Variants in ZNF69 observed in about 807,000 individuals in gnomAD.
ZNF69 encodes the protein ZNF3.
Under a neutral mutation model 50.9 loss-of-function variants are expected in ZNF69, and 47 were observed. That is an observed-to-expected ratio of 0.92 (90% CI 0.73 to 1.18). The LOEUF (loss-of-function observed/expected upper bound fraction) is 1.18, where lower values mean the gene tolerates loss of function less well. Ranked by LOEUF, ZNF69 falls within the 50% of genes most tolerant of loss-of-function variation. The pLI is 0.00. For missense variants in ZNF69, 717 were observed against 675.1 expected, an observed-to-expected ratio of 1.06 and a Z score of -0.69; for synonymous variants, 216 against 223.1, an observed-to-expected ratio of 0.97 and a Z score of 0.29.
chr19:11,907,013 G>A (rs1282912375), downstream of ZNF69, among the ~76,000 whole-genome samples: 2 of 152,160 alleles, frequency 1.3e-5, no homozygotes, highest in African/African-American at 2.4e-5. Flanking sequence ...ACCATGGCAC[G>A]AGAACTATGT....
chr19:11,890,752 G>T (rs749857626), intron 1 of ZNF69, among the ~76,000 whole-genome samples: 15 of 152,248 alleles, frequency 9.9e-5, no homozygotes, highest in African/African-American at 3.6e-4. Flanking sequence ...GAGCCACCTC[G>T]CCAGGCCAGA....
intron 1 of ZNF69, among the ~76,000 whole-genome samples, chr19:11,900,245 A>G (rs1006276001): frequency 6.6e-6 from 1 of 151,960 alleles, no homozygotes; most frequent in Non-Finnish European, 1.5e-5. Flanking sequence ...GAGCCACTGC[A>G]CCCGGCCTGT....
chr19:11,922,495 A>G, the ZNF69 span, among the ~76,000 whole-genome samples: 1 of 152,200 alleles, frequency 6.6e-6, no homozygotes, highest in Non-Finnish European at 1.5e-5. Context: ...GGATTCTAGG[A>G]CACTAGGTAT....
chr19:11,899,396 T>G (rs1183566266), intron 1 of ZNF69, among the ~76,000 whole-genome samples: 1 of 152,174 alleles, frequency 6.6e-6, no homozygotes, highest in Non-Finnish European at 1.5e-5. Flanking sequence ...CCCAAATGCC[T>G]GGATTCCACT....
the ZNF69 span, among the ~76,000 whole-genome samples, chr19:11,969,099 T>G: frequency 4.6e-5 from 7 of 152,166 alleles, no homozygotes; most frequent in African/African-American, 1.4e-4. Context: ...ATTACTTGGT[T>G]GTTTTTGCTT....
At chr19:11,948,401 G>A in the ZNF69 span, 7 of 1,614,118 alleles carry the variant, frequency 4.3e-6, no homozygotes, top group Non-Finnish European at 5.9e-6. Context: ...GTAAAATCAT[G>A]TGACAGCTTT....
In ZNF69 at chr19:11,905,912, C is replaced by T; in HGVS notation, c.1515C>T (p.Leu505=). 1.9e-6 allele frequency: 3 copies of T among 1,613,978 alleles called. No homozygotes were observed. Among genetic ancestry groups the T allele is most frequent in the Non-Finnish European group, 2.5e-6 (3 of 1,179,998 alleles). The change falls in exon 4 of 4, where the codon CTC becomes CTT. Residue 505 remains leucine, a synonymous_variant. Coordinates refer to ENST00000429654, the MANE Select transcript of ZNF69 (RefSeq NM_001364730.1). The part of the protein sequence containing the change: ...RHEKTHTGEK[L]YECKQCGEAF... ...AAAAAACTCACACTGGAGAGAAACTCTATGAATGCAAGCAATGTGGTGAAG... is the reference window on the plus strand; with the variant it reads ...AAAAAACTCACACTGGAGAGAAACTTTATGAATGCAAGCAATGTGGTGAAG...
the ZNF69 span, among the ~76,000 whole-genome samples, chr19:11,951,873 A>G: frequency 1.1e-4 from 17 of 152,296 alleles, no homozygotes; most frequent in African/African-American, 1.9e-4. Flanking sequence ...TGTCTCTCCA[A>G]TGGTAAAAGC....
the ZNF69 span, among the ~76,000 whole-genome samples, chr19:11,922,932 C>T: frequency 1.3e-5 from 2 of 151,958 alleles, no homozygotes; most frequent in East Asian, 3.9e-4. Flanking sequence ...CCTGCCTCAG[C>T]CTCCTGAGTA....
chr19:11,965,019 G>C, the ZNF69 span: 4 of 621,418 alleles, frequency 6.4e-6, no homozygotes, highest in Non-Finnish European at 1.1e-5. Flanking sequence ...TGTTTATCCA[G>C]GCACAGAGTG....
the ZNF69 span, chr19:11,948,229 A>G: frequency 6.3e-7 from 1 of 1,578,942 alleles, no homozygotes; most frequent in East Asian, 2.2e-5. Context: ...TTAATATAGA[A>G]GTACTTGTAA....
chr19:11,965,524 A>T, the ZNF69 span, among the ~76,000 whole-genome samples: 46 of 152,314 alleles, frequency 3.0e-4, 1 homozygote, highest in South Asian at 8.9e-3. Flanking sequence ...CATGGGGGAA[A>T]TCCTGACTCG....
At chr19:11,904,154 AAGTGG>A (rs1568278799) in intron 3 of ZNF69, among the ~76,000 whole-genome samples, 189 bp downstream of exon 3, 1 of 152,166 alleles carries the variant, frequency 6.6e-6, no homozygotes, top group Non-Finnish European at 1.5e-5. Flanking sequence ...ATCCTTTGAG[AAGTGG>A]AGATAGGAGG....
chr19:11,938,678 A>G, the ZNF69 span, among the ~76,000 whole-genome samples: 5 of 152,216 alleles, frequency 3.3e-5, no homozygotes, highest in East Asian at 1.9e-4. Flanking sequence ...TGGTGCCGCA[A>G]TAAACATACA....
At chr19:11,978,171 A>G in the ZNF69 span, 1 of 1,613,850 alleles carries the variant, frequency 6.2e-7, no homozygotes. Context: ...TTGTGGAGAA[A>G]CTTTTACCCA....
chr19:11,943,966 GT>G, the ZNF69 span, among the ~76,000 whole-genome samples: 22 of 151,898 alleles, frequency 1.4e-4, no homozygotes, highest in African/African-American at 5.3e-4. Context: ...GGAGCTGCAG[GT>G]TTTACATGAC....
chr19:11,955,910 GTAA>G, the ZNF69 span, among the ~76,000 whole-genome samples: 5 of 152,122 alleles, frequency 3.3e-5, no homozygotes, highest in Non-Finnish European at 7.3e-5. Context: ...TCATAATGAA[GTAA>G]TAATGTCCAC....
downstream of ZNF69, among the ~76,000 whole-genome samples, chr19:11,915,232 C>A (rs1972511480): frequency 6.6e-6 from 1 of 152,134 alleles, no homozygotes; most frequent in African/African-American, 2.4e-5. Context: ...GAGTTGGATG[C>A]ACCTGAATTC....
chr19:11,940,277 G>A, the ZNF69 span, among the ~76,000 whole-genome samples: 7 of 152,266 alleles, frequency 4.6e-5, no homozygotes, highest in East Asian at 1.9e-4. Context: ...TATTGTGTCC[G>A]GAATTGGTGG....
Sources: allele counts gnomAD v4.1 joint callset (sites outside exome capture counted in the v4.1 genomes callset), GRCh38; gene constraint gnomAD v4.1.1; transcripts MANE v1.5; gene names NCBI Gene and HGNC (gene_info 2026-07-23, HGNC 2026-07-21).